The following TTN variants were observed in gnomAD, a reference collection of about 807,000 sequenced individuals.
TTN encodes titin.
A neutral mutation model predicts 3,223.0 loss-of-function variants in TTN; 1,525 were observed. That is an observed-to-expected ratio of 0.47 (90% CI 0.45 to 0.49). The LOEUF (loss-of-function observed/expected upper bound fraction) is 0.49. Among genes scored for constraint, TTN ranks in the 20% least tolerant of loss-of-function variants. TTN has a pLI of 0.00. For missense variants in TTN, 40,786 were observed against 43,424.0 expected (o/e 0.94, Z 5.40); for synonymous variants, 14,094 against 15,161.0 (o/e 0.93, Z 5.17).
rs558955595 is a variant in TTN at position 178,579,582 on chromosome 2, C to T, written c.67615G>A (p.Val22539Ile). Residue 22539 changes from valine (V) to isoleucine (I), a missense_variant, in exon 319 of 363, where the codon GTT becomes ATT. By Grantham distance (29) the Val-to-Ile change is conservative. Coordinates refer to ENST00000589042, the MANE Select transcript of TTN (RefSeq NM_001267550.2). ...NGEGTPSEITVVARDDVVAPD... is the reference protein window; with the variant it reads ...NGEGTPSEITIVARDDVVAPD... ...TTACCAACATCATCCCTTGCCACAA[C>T]AGTGATTTCGCTTGGGGTTCCTTCT... The T allele has an allele frequency of 1.5e-5, 25 of 1,613,276 alleles. No individual in the cohort carries two copies. In the African/African-American group the frequency reaches 2.9e-4, roughly 19 times the overall value.
chr2:178,668,872 AC>A lies in TTN; in HGVS notation c.35545+500del, dbSNP rs574956800. Among the ~76,000 whole-genome samples, 205 of 145,372 alleles carry A rather than the reference AC, an allele frequency of 1.4e-3. 1 individual carries two copies. The highest frequency in any genetic ancestry group is 4.7e-3 in the African/African-American group (184 of 39,394). On this transcript the variant is annotated intron_variant, in intron 159 of 362. Transcript: ENST00000589042. ...TTATTTAAACCTAATTTTGTATGAA[AC>A]CCCCCCCCAAAAAAAAAGGTCGTGA...
intron 159 of TTN, among the ~76,000 whole-genome samples, chr2:178,668,650 T>C (rs759146198): frequency 1.3e-5 from 2 of 151,366 alleles, no homozygotes; most frequent in African/African-American, 4.9e-5. Context: ...GAGAATAGCT[T>C]GAACCCAGGA....
At chr2:178,748,254 T>A in intron 47 of TTN, 1 of 1,613,030 alleles carries the variant, frequency 6.2e-7, no homozygotes, top group Non-Finnish European at 8.5e-7. Context: ...AGATCAGTTT[T>A]TAAAATGTCT....
chr2:178,765,529 A>T (rs1484120), intron 41 of TTN, among the ~76,000 whole-genome samples: 8,171 of 152,232 alleles, frequency 0.054, 367 homozygotes, highest in South Asian at 0.16. Flanking sequence ...CAGTTTCTCC[A>T]CTACTAATAC....
At chr2:178,613,491 C>T (rs937599687) in intron 263 of TTN, among the ~76,000 whole-genome samples, 1 of 151,884 alleles carries the variant, frequency 6.6e-6, no homozygotes, top group Non-Finnish European at 1.5e-5. Context: ...ATATCTATGA[C>T]AGTGGTCATT....
intron 127 of TTN, among the ~76,000 whole-genome samples, chr2:178,685,875 C>T (rs535702410): frequency 6.6e-6 from 1 of 151,894 alleles, no homozygotes; most frequent in East Asian, 1.9e-4. Flanking sequence ...AGGACAAGTA[C>T]GGGACAAGAA....
chr2:178,576,073 T>TCTA lies in TTN; in HGVS notation c.70058_70059insTAG (p.Thr23353_Leu23354insArg). ...TACTGAGTCCTGCTCTAACAACAAG[T>TCTA]GTTCTTCGAAGCTCGGCATCTAGTT... On this transcript the variant is annotated inframe_insertion, in exon 326 of 363. Transcript: ENST00000589042. The surrounding 1 kb of genome is among the most constrained non-coding windows in gnomAD (Gnocchi z 4.3). The TCTA allele has an allele frequency of 1.2e-6, 2 of 1,613,542 alleles. No individual in the cohort carries two copies. The highest frequency in any genetic ancestry group is 1.7e-6 in the Non-Finnish European group (2 of 1,179,620).
At position 178,730,752 on chromosome 2, in the gene TTN, T is replaced by C; in HGVS notation, c.17781A>G (p.Lys5927=). 3.7e-6 allele frequency: 6 copies of C among 1,607,736 alleles called. No homozygotes were observed. The highest frequency in any genetic ancestry group is 5.1e-6 in the Non-Finnish European group (6 of 1,175,522). Reference sequence around the variant, plus strand: ...TGAAAGAACCTTTAATGCTGTCCATTTTCTTCAGCTTTTTGGTGAATGAAG... The same window carrying C: ...TGAAAGAACCTTTAATGCTGTCCATCTTCTTCAGCTTTTTGGTGAATGAAG... ...IPPSFTKKLK[K]MDSIKGSFID... The change falls in exon 61 of 363, where the codon AAA becomes AAG. Residue 5927 remains lysine (K), a synonymous_variant. Coordinates refer to ENST00000589042, the MANE Select transcript of TTN (RefSeq NM_001267550.2).
In TTN at chr2:178,592,501, A is replaced by C. The variant is rs727504511; in HGVS notation, c.59504T>G (p.Val19835Gly). 4.6e-5 allele frequency: 74 copies of C among 1,613,422 alleles called. 1 individual carries two copies. The South Asian group carries it at 8.1e-4, about 18-fold the overall frequency. The change falls in exon 301 of 363, where the codon GTG becomes GGG. Residue 19835 changes from valine to glycine, a missense_variant. By Grantham distance (109) the Val-to-Gly change is moderately radical. Transcript: ENST00000589042. ...TTCAAGCTTGCTACCAACTGGAGTC[A>C]CATCAATTCTTGCTTTAGTTGGAGC... ...RDAPTKARID[V>G]TPVGSKLEIR...
intron 316 of TTN, chr2:178,580,822 T>A (rs1386446238): frequency 1.8e-6 from 1 of 545,778 alleles, no homozygotes; most frequent in Non-Finnish European, 3.1e-6. Context: ...TAACCAGGTT[T>A]TCCCCCCGGA....
At chr2:178,605,985 A>AC (rs2154195936) in intron 278 of TTN, among the ~76,000 whole-genome samples, 1 of 152,132 alleles carries the variant, frequency 6.6e-6, no homozygotes, top group Admixed American at 6.6e-5. Context: ...TAGATTGTTT[A>AC]CCTTTGTAAC....
intron 126 of TTN, 150 bp downstream of exon 126, chr2:178,688,527 G>T: frequency 1.5e-6 from 1 of 657,292 alleles, no homozygotes; most frequent in Non-Finnish European, 2.7e-6. Context: ...AGTCCCAGAA[G>T]GCTACAAAAG....
rs572285982 is a variant in TTN at position 178,729,096 on chromosome 2, G to T, written c.18942C>A (p.Thr6314=). Residue 6314 remains threonine, a synonymous_variant, in exon 65 of 363, where the codon ACC becomes ACA. Transcript: ENST00000589042. ...VLKSSATFQS[T]VAGSPPISIT... ...TAGAAATAGGAGGAGAACCTGCCAC[G>T]GTACTCTGAAAGGTGGCAGAACTTT... The T allele has an allele frequency of 6.2e-7, 1 of 1,611,512 alleles. No homozygotes were observed. Among genetic ancestry groups the T allele is most frequent in the Admixed American group, 1.7e-5 (1 of 59,664 alleles).
Position 178,590,036 on chromosome 2 carries a change from G to C in TTN, c.61689C>G (p.Ile20563Met). ...NSSGHAQGSAIVNVLDRPGPC... is the reference protein window; with the variant it reads ...NSSGHAQGSAMVNVLDRPGPC... ...GCCCAGGTCTGTCAAGGACGTTAAC[G>C]ATGGCTGAACCTTGGGCATGTCCAC... The change falls in exon 304 of 363, where the codon ATC becomes ATG. Residue 20563 changes from isoleucine to methionine, a missense_variant. By Grantham distance (10) the Ile-to-Met change is conservative. Coordinates refer to ENST00000589042, the MANE Select transcript of TTN (RefSeq NM_001267550.2). The C allele has an allele frequency of 6.2e-7, 1 of 1,613,078 alleles. No homozygotes were observed. The highest frequency in any genetic ancestry group is 2.2e-5 in the East Asian group (1 of 44,702).
At chr2:178,715,854 T>G (rs558892125) in intron 88 of TTN, 80 bp from the exon 89 acceptor site, 1 of 1,406,688 alleles carries the variant, frequency 7.1e-7, no homozygotes, top group African/African-American at 1.4e-5. Context: ...AAAAATAATC[T>G]TTGCTAGAGA....
chr2:178,760,893 C>G (rs2088992322), intron 43 of TTN: 1 of 147,186 alleles, frequency 6.8e-6, no homozygotes, highest in Non-Finnish European at 1.5e-5. Context: ...GTGAGATCAT[C>G]AATGGTACAT....
At position 178,579,464 on chromosome 2, in the gene TTN, C is replaced by A; in HGVS notation, c.67637-71G>T. ...GATTAACTTTTTCAAATAGTTCTAG[C>A]TTTTAACGGATTTTTAGATAAGCTA... is the stretch of plus-strand genomic sequence containing the variant. On this transcript the variant is annotated intron_variant, in intron 319 of 362. Coordinates refer to ENST00000589042, the MANE Select transcript of TTN (RefSeq NM_001267550.2). The A allele has an allele frequency of 3.2e-6, 5 of 1,568,746 alleles. No homozygotes were observed. In the South Asian group the frequency reaches 5.9e-5, roughly 19 times the overall value.
chr2:178,542,221 G>A, intron 349 of TTN, 43 bp downstream of exon 349: 1 of 1,550,606 alleles, frequency 6.4e-7, no homozygotes, highest in Non-Finnish European at 8.8e-7. Context: ...TTAACATTCA[G>A]AATCAGAGGT....
In TTN at chr2:178,717,721, C is replaced by A; in HGVS notation, c.25153G>T (p.Gly8385Cys). 7 of 1,613,348 alleles carry A rather than the reference C, an allele frequency of 4.3e-6. No homozygotes were observed. Among genetic ancestry groups the A allele is most frequent in the Non-Finnish European group, 5.9e-6 (7 of 1,179,576 alleles). ...FPVAFECRIN[G>C]SEPLQVSWYK... ...CAAGACACTTGAAGAGGTTCTGAGCCATTGATGCGGCATTCAAATGCAACT... is the reference window on the plus strand; with the variant it reads ...CAAGACACTTGAAGAGGTTCTGAGCAATTGATGCGGCATTCAAATGCAACT... The change falls in exon 87 of 363, where the codon GGC becomes TGC. Residue 8385 changes from glycine to cysteine, a missense_variant. Physicochemically the swap from Gly to Cys is radical, Grantham distance 159. Transcript: ENST00000589042.
Sources: gnomAD v4.1 joint callset for allele counts (sites outside exome capture counted in the v4.1 genomes callset) on GRCh38, gnomAD v4.1.1 for gene constraint, Gnocchi (gnomAD v3.1) non-coding constraint, MANE v1.5 for transcripts, NCBI Gene and HGNC (gene_info 2026-07-23, HGNC 2026-07-21) for gene names.